The following SULT1E1 variants were observed in gnomAD, a reference collection of about 807,000 sequenced individuals.
The protein encoded by SULT1E1 is sulfotransferase 1E1.
A neutral mutation model predicts 33.6 loss-of-function variants in SULT1E1; 36 were observed. That is an observed-to-expected ratio of 1.07 (90% confidence interval 0.82 to 1.41). The LOEUF is 1.41. SULT1E1 is among the 40% of genes most tolerant of loss of function. The probability of loss-of-function intolerance (pLI) is 0.00; values close to 1 mark genes in which losing one functional copy is unlikely to be tolerated. For missense variants in SULT1E1, 371 were observed against 345.7 expected (o/e 1.07, Z -0.58); for synonymous variants, 121 against 111.7 (o/e 1.08, Z -0.53).
chr4:69,845,859 A>C (rs1578102546), intron 6 of SULT1E1, among the ~76,000 whole-genome samples: 1 of 151,066 alleles, frequency 6.6e-6, no homozygotes, highest in Non-Finnish European at 1.5e-5. Flanking sequence ...AATATAATAA[A>C]CTGTAGATCA....
chr4:69,853,664 G>C (rs971919580), intron 4 of SULT1E1, among the ~76,000 whole-genome samples: 2 of 152,080 alleles, frequency 1.3e-5, no homozygotes, highest in Admixed American at 1.3e-4. Context: ...AAATGGACTA[G>C]GTGTCCATGA....
In SULT1E1 at chr4:69,854,444, A is replaced by G. The variant is rs148877683; in HGVS notation, c.272-130T>C. On this transcript the variant is annotated intron_variant, in intron 3 of 7. Coordinates refer to ENST00000226444, the MANE Select transcript of SULT1E1 (RefSeq NM_005420.3). Reference sequence around the variant, plus strand: ...TGTAATTAGATTGTGTGTAACACAAAGTATAAATTCTTGAGGGAATGGACA... The same window carrying G: ...TGTAATTAGATTGTGTGTAACACAAGGTATAAATTCTTGAGGGAATGGACA... 9.9e-4 allele frequency: 593 copies of G among 596,808 alleles called. 3 individuals carry two copies. Among genetic ancestry groups the G allele is most frequent in the African/African-American group, 9.8e-3 (531 of 54,004 alleles). The allele number at this position is 596,808 out of a possible 1,614,324, so 37.0% of individuals were successfully genotyped here. A position where few individuals can be genotyped will look rare whatever the true frequency, so the allele number is the denominator to read the frequency against.
At chr4:69,823,576 C>A in the SULT1E1 span, among the ~76,000 whole-genome samples, 1 of 152,276 alleles carries the variant, frequency 6.6e-6, no homozygotes, top group East Asian at 1.9e-4. Flanking sequence ...TCACTGCCAC[C>A]TGCTTTGTGG....
intron 3 of SULT1E1, among the ~76,000 whole-genome samples, chr4:69,854,526 T>A (rs559268512): frequency 6.6e-6 from 1 of 152,206 alleles, no homozygotes; most frequent in East Asian, 1.9e-4. Context: ...AAACATCTCA[T>A]GTGCCCCATT....
chr4:69,859,097 G>C (rs1449025873), intron 1 of SULT1E1, among the ~76,000 whole-genome samples: 1 of 152,040 alleles, frequency 6.6e-6, no homozygotes, highest in Non-Finnish European at 1.5e-5. Flanking sequence ...TTTCTCAAAA[G>C]ATCTATTTCA....
chr4:69,855,225 A>G, intron 3 of SULT1E1, 76 bp downstream of exon 3: 1 of 1,451,380 alleles, frequency 6.9e-7, no homozygotes, highest in Non-Finnish European at 9.2e-7. Context: ...CTTGCTTATA[A>G]TCTCATTGCT....
intron 5 of SULT1E1, among the ~76,000 whole-genome samples, chr4:69,848,561 C>T (rs903365484): frequency 2.6e-5 from 4 of 151,842 alleles, no homozygotes; most frequent in African/African-American, 9.7e-5. Context: ...TTATAGTGAT[C>T]TTATTTCTCC....
At position 69,854,225 on chromosome 4, in the gene SULT1E1, C is replaced by G. The variant is rs377668366; in HGVS notation, c.361G>C (p.Asp121His). The change falls in exon 4 of 8, where the codon GAT (aspartate) becomes CAT (histidine). Residue 121 changes from aspartate (D) to histidine (H), a missense_variant. Physicochemically the swap from Asp to His is moderately conservative, Grantham distance 81. Coordinates refer to ENST00000226444, the MANE Select transcript of SULT1E1 (RefSeq NM_005420.3). ...CACTTGACTCTGGTTACCTTACAAT[C>G]CTTTTCCCAAAATGAGGCAGGAAGA... Reference protein sequence around the residue: ...ELLPASFWEKDCKIIYLCRNA... With the variant: ...ELLPASFWEKHCKIIYLCRNA... The G allele has an allele frequency of 6.2e-7, 1 of 1,610,744 alleles. No individual in the cohort carries two copies. Among genetic ancestry groups the G allele is most frequent in the African/African-American group, 1.3e-5 (1 of 74,842 alleles).
At chr4:69,823,863 AC>A in the SULT1E1 span, among the ~76,000 whole-genome samples, 2 of 151,574 alleles carry the variant, frequency 1.3e-5, no homozygotes, top group African/African-American at 2.4e-5. Context: ...CGCTCAGTGG[AC>A]CCCCCCTAGA....
At chr4:69,835,145 A>G in the SULT1E1 span, among the ~76,000 whole-genome samples, 1 of 152,152 alleles carries the variant, frequency 6.6e-6, no homozygotes, top group Non-Finnish European at 1.5e-5. Context: ...TCTGCCCAGA[A>G]CATCATGCTC....
At chr4:69,845,347 T>C (rs1720951898) in intron 6 of SULT1E1, among the ~76,000 whole-genome samples, 1 of 151,802 alleles carries the variant, frequency 6.6e-6, no homozygotes, top group Non-Finnish European at 1.5e-5. Context: ...AATACCTCAT[T>C]TACCTTGATG....
At chr4:69,845,866 A>G (rs1720966605) in intron 6 of SULT1E1, among the ~76,000 whole-genome samples, 1 of 151,178 alleles carries the variant, frequency 6.6e-6, no homozygotes, top group South Asian at 2.1e-4. Context: ...TAAACTGTAG[A>G]TCATGACTGC....
intron 7 of SULT1E1, 42 bp from the exon 8 acceptor site, chr4:69,842,148 A>G (rs1720897009): frequency 6.9e-6 from 8 of 1,156,622 alleles, no homozygotes; most frequent in Non-Finnish European, 1.0e-5. Context: ...AAGTCTTCCA[A>G]AAAGAATCAT....
chr4:69,838,953 A>G (rs761951633), downstream of SULT1E1, among the ~76,000 whole-genome samples: 10 of 152,222 alleles, frequency 6.6e-5, no homozygotes, highest in Non-Finnish European at 1.5e-4. Flanking sequence ...TTTATTTACC[A>G]CATTTAATTA....
the SULT1E1 span, among the ~76,000 whole-genome samples, chr4:69,829,714 C>T: frequency 6.6e-6 from 1 of 152,196 alleles, no homozygotes; most frequent in Admixed American, 6.5e-5. Flanking sequence ...CCTTGTCCTC[C>T]TATTACACAT....
At chr4:69,847,918 C>A in intron 5 of SULT1E1, 126 bp from the exon 6 acceptor site, 1 of 496,200 alleles carries the variant, frequency 2.0e-6, no homozygotes, top group East Asian at 3.4e-5. Context: ...AATAGATCAG[C>A]TGTATATCTT....
the SULT1E1 span, among the ~76,000 whole-genome samples, chr4:69,835,591 T>A: frequency 6.6e-6 from 1 of 152,254 alleles, no homozygotes; most frequent in South Asian, 2.1e-4. Context: ...GTGACCAAGG[T>A]ATATTATTAA....
intron 2 of SULT1E1, among the ~76,000 whole-genome samples, chr4:69,856,801 TGGCG>T (rs1424617581): frequency 6.6e-6 from 1 of 151,650 alleles, no homozygotes; most frequent in African/African-American, 2.4e-5. Context: ...CCAGGTGCAG[TGGCG>T]GGCGCCTGCA....
intron 6 of SULT1E1, among the ~76,000 whole-genome samples, chr4:69,846,898 C>T (rs1360392582): frequency 1.3e-5 from 2 of 151,586 alleles, no homozygotes; most frequent in Admixed American, 6.6e-5. Context: ...AATTTTAAGG[C>T]CATAAAAAAT....
Sources: allele counts gnomAD v4.1 joint callset (sites outside exome capture counted in the v4.1 genomes callset), GRCh38; gene constraint gnomAD v4.1.1; transcripts MANE v1.5; gene names NCBI Gene and HGNC (gene_info 2026-07-23, HGNC 2026-07-21).